The following OPCML variants were observed in gnomAD, a reference collection of about 807,000 sequenced individuals.
OPCML encodes the protein opioid binding protein/cell adhesion molecule like.
Under a neutral mutation model 37.8 loss-of-function variants are expected in OPCML, and 13 were observed. The observed-to-expected ratio is 0.34, with a 90% confidence interval of 0.22 to 0.55. The LOEUF is 0.55. Ranked by LOEUF, OPCML falls within the 20% of genes least tolerant of loss-of-function variation. The probability of loss-of-function intolerance (pLI) is 0.91; values close to 1 mark genes in which losing one functional copy is unlikely to be tolerated. For synonymous variants in OPCML, 176 were observed against 168.8 expected, an observed-to-expected ratio of 1.04 and a Z score of -0.33; for missense variants, 341 against 435.6, an observed-to-expected ratio of 0.78 and a Z score of 1.93.
chr11:132,869,551 C>G (rs1942714140), intron 2 of OPCML, among the ~76,000 whole-genome samples: 1 of 151,732 alleles, frequency 6.6e-6, no homozygotes, highest in Non-Finnish European at 1.5e-5. Context: ...AATAATGAAC[C>G]TTTTTTCCTT....
intron 7 of OPCML, among the ~76,000 whole-genome samples, chr11:132,422,398 G>A (rs990364027): frequency 1.3e-5 from 2 of 152,186 alleles, no homozygotes; most frequent in African/African-American, 4.8e-5. Flanking sequence ...AAGGAAATGA[G>A]TGTTTCTGGT....
chr11:133,185,951 A>C (rs1307400728), intron 1 of OPCML, among the ~76,000 whole-genome samples: 1 of 152,252 alleles, frequency 6.6e-6, no homozygotes, highest in African/African-American at 2.4e-5. Flanking sequence ...ACAATTTTCC[A>C]AGTAGTCACT....
intron 1 of OPCML, among the ~76,000 whole-genome samples, chr11:133,398,657 A>C (rs1945337945): frequency 6.6e-6 from 1 of 152,224 alleles, no homozygotes; most frequent in African/African-American, 2.4e-5. Flanking sequence ...TGCAATTTTC[A>C]AAATAAGTTT....
At chr11:132,849,937 C>T (rs1255092414) in intron 2 of OPCML, among the ~76,000 whole-genome samples, 1 of 152,170 alleles carries the variant, frequency 6.6e-6, no homozygotes, top group Admixed American at 6.5e-5. Flanking sequence ...TTTGCTGTGT[C>T]CACTCGAGCA....
At chr11:133,496,808 C>A (rs1022761651) in intron 1 of OPCML, among the ~76,000 whole-genome samples, 1 of 152,120 alleles carries the variant, frequency 6.6e-6, no homozygotes, top group African/African-American at 2.4e-5. Flanking sequence ...TGGAGGAGTC[C>A]TTAGGGTTTT....
intron 2 of OPCML, among the ~76,000 whole-genome samples, chr11:132,760,591 A>T: frequency 6.7e-6 from 1 of 149,790 alleles, no homozygotes; most frequent in Non-Finnish European, 1.5e-5. Context: ...TGTTGGTTTA[A>T]AGTCTTTTTT....
In OPCML at chr11:132,635,951, A is replaced by G. The variant is rs73593129; in HGVS notation, c.379+21136T>C. ...GCTGAAATAGTAAATTTAGATAGCT[A>G]CATGTTGAAAATACTCCCCCCCGGA... is the stretch of plus-strand genomic sequence containing the variant. On this transcript the variant is annotated intron_variant, in intron 3 of 7. Transcript: ENST00000524381. 3.1e-3 allele frequency among the ~76,000 whole-genome samples: 467 copies of G among 152,224 alleles called. 3 individuals are homozygous for G. The highest frequency in any genetic ancestry group is 0.011 in the African/African-American group (445 of 41,506).
At chr11:133,421,336 A>G (rs1945881480) in intron 1 of OPCML, 3 of 985,318 alleles carry the variant, frequency 3.0e-6, no homozygotes, top group African/African-American at 1.7e-5. Context: ...TAAGCAGTAC[A>G]GGAAATGATT....
At chr11:132,870,230 G>A (rs935786032) in intron 2 of OPCML, among the ~76,000 whole-genome samples, 2 of 152,092 alleles carry the variant, frequency 1.3e-5, no homozygotes, top group African/African-American at 4.8e-5. Context: ...GCTCAAGCAC[G>A]TTCTTTCCAA....
chr11:133,281,149 G>A (rs1942142533), intron 1 of OPCML, among the ~76,000 whole-genome samples: 1 of 152,160 alleles, frequency 6.6e-6, no homozygotes, highest in South Asian at 2.1e-4. Context: ...GGGAAGCCCT[G>A]CTTAAAGAGA....
intron 2 of OPCML, among the ~76,000 whole-genome samples, chr11:132,932,955 A>T (rs1257486840): frequency 6.6e-6 from 1 of 152,118 alleles, no homozygotes; most frequent in East Asian, 1.9e-4. Context: ...TGGGATTCAA[A>T]ATGAGCCTTT....
chr11:133,376,389 A>G (rs1240690074), intron 1 of OPCML, among the ~76,000 whole-genome samples: 3 of 152,206 alleles, frequency 2.0e-5, no homozygotes, highest in Non-Finnish European at 4.4e-5. Context: ...TATGATACAG[A>G]CATAAGCTGC....
intron 2 of OPCML, among the ~76,000 whole-genome samples, chr11:132,666,854 C>T (rs941119240): frequency 1.2e-4 from 19 of 152,158 alleles, no homozygotes; most frequent in Non-Finnish European, 2.4e-4. Context: ...AAAATGTCTG[C>T]ATAGGTTTAA....
chr11:132,940,668 G>A (rs1476725830), intron 2 of OPCML, among the ~76,000 whole-genome samples: 10 of 152,140 alleles, frequency 6.6e-5, no homozygotes, highest in Admixed American at 6.5e-4. Flanking sequence ...CAGCAAAAGA[G>A]TGAAAACAAA....
chr11:132,514,918 G>A (rs1318401809), intron 4 of OPCML, among the ~76,000 whole-genome samples: 1 of 152,134 alleles, frequency 6.6e-6, no homozygotes, highest in East Asian at 1.9e-4. Context: ...GAGTGCCCAA[G>A]GGAGACAAAC....
intron 1 of OPCML, among the ~76,000 whole-genome samples, chr11:133,058,804 G>T (rs1948288139): frequency 6.6e-6 from 1 of 152,162 alleles, no homozygotes; most frequent in South Asian, 2.1e-4. Context: ...GTATTTTAAG[G>T]ATAAAAATAA....
At chr11:133,390,057 A>G (rs1945134806) in intron 1 of OPCML, among the ~76,000 whole-genome samples, 1 of 152,222 alleles carries the variant, frequency 6.6e-6, no homozygotes, top group African/African-American at 2.4e-5. Context: ...GAACGTGGAT[A>G]ATGTAAGTCA....
chr11:132,582,283 A>G (rs1189861181), intron 3 of OPCML, among the ~76,000 whole-genome samples: 2 of 152,172 alleles, frequency 1.3e-5, no homozygotes, highest in Non-Finnish European at 2.9e-5. Context: ...GCTAATACCA[A>G]TGAAAGGACA....
At chr11:132,872,133 A>G (rs534898025) in intron 2 of OPCML, among the ~76,000 whole-genome samples, 55 of 152,326 alleles carry the variant, frequency 3.6e-4, no homozygotes, top group African/African-American at 1.2e-3. Flanking sequence ...TTTATCAATG[A>G]CTTACTAGAA....
Sources: allele counts gnomAD v4.1 joint callset (sites outside exome capture counted in the v4.1 genomes callset), GRCh38; gene constraint gnomAD v4.1.1; transcripts MANE v1.5; gene names NCBI Gene and HGNC (gene_info 2026-07-23, HGNC 2026-07-21).